ANO3: variants seen among roughly 807,000 people sequenced by gnomAD.
ANO3 encodes the protein anoctamin-3.
In ANO3, 99 loss-of-function variants were observed where a neutral mutation model predicts 144.8. The ratio of observed to expected loss-of-function variants is 0.68; its 90% CI spans 0.58 to 0.81. ANO3 has a LOEUF of 0.81. Ranked by LOEUF, ANO3 falls within the 30% of genes least tolerant of loss-of-function variation. The pLI is 0.00. For missense variants in ANO3, 905 were observed against 1,202.2 expected, an observed-to-expected ratio of 0.75 and a Z score of 3.66; for synonymous variants, 414 against 392.6, an observed-to-expected ratio of 1.05 and a Z score of -0.64.
intron 17 of ANO3, among the ~76,000 whole-genome samples, chr11:26,608,284 C>T (rs532717052): frequency 6.6e-6 from 1 of 152,258 alleles, no homozygotes; most frequent in South Asian, 2.1e-4. Context: ...CACAAGGAGG[C>T]TGGAGAACAG....
At chr11:26,607,601 A>G (rs1322857309) in intron 17 of ANO3, among the ~76,000 whole-genome samples, 3 of 152,084 alleles carry the variant, frequency 2.0e-5, no homozygotes, top group Non-Finnish European at 4.4e-5. Context: ...TAATATTGCC[A>G]GTGGGGTGTT....
At chr11:26,466,481 G>T (rs951321301) in intron 4 of ANO3, among the ~76,000 whole-genome samples, 23 of 151,946 alleles carry the variant, frequency 1.5e-4, no homozygotes, top group African/African-American at 5.1e-4. Flanking sequence ...GTAACATTAT[G>T]CCAGCACTGA....
intron 17 of ANO3, among the ~76,000 whole-genome samples, chr11:26,601,230 T>C (rs991074758): frequency 5.9e-5 from 9 of 152,186 alleles, no homozygotes; most frequent in Non-Finnish European, 1.3e-4. Flanking sequence ...GTATTATAGA[T>C]AGATAATATG....
At chr11:26,249,041 G>T (rs1275128448) in intron 1 of ANO3, among the ~76,000 whole-genome samples, 1 of 152,138 alleles carries the variant, frequency 6.6e-6, no homozygotes, top group African/African-American at 2.4e-5. Flanking sequence ...AAAAAGGTTG[G>T]AGACTGTCGC....
chr11:26,624,395 T>C (rs983765856), intron 17 of ANO3, 67 bp from the exon 18 acceptor site: 2 of 1,094,150 alleles, frequency 1.8e-6, no homozygotes, highest in African/African-American at 3.1e-5. Flanking sequence ...TTTCTTCAAA[T>C]AGTGTAAATA....
intron 1 of ANO3, among the ~76,000 whole-genome samples, chr11:26,296,331 A>G (rs1010045573): frequency 2.6e-5 from 4 of 152,068 alleles, no homozygotes; most frequent in African/African-American, 4.8e-5. Context: ...CAAAACATCT[A>G]CAAGAGATGC....
intron 1 of ANO3, among the ~76,000 whole-genome samples, chr11:26,407,357 C>T (rs1857315677): frequency 6.6e-6 from 1 of 151,590 alleles, no homozygotes; most frequent in African/African-American, 2.4e-5. Context: ...CTCCTGCTAT[C>T]CCCACTTGGA....
chr11:26,266,103 A>G (rs1853301237), intron 1 of ANO3, among the ~76,000 whole-genome samples: 1 of 152,160 alleles, frequency 6.6e-6, no homozygotes, highest in Non-Finnish European at 1.5e-5. Flanking sequence ...TTCTAACTAG[A>G]TATTTACGCC....
chr11:26,463,026 A>T lies in ANO3; in HGVS notation c.314-4A>T. On this transcript the variant is annotated splice_region_variant and splice_polypyrimidine_tract_variant and intron_variant, in intron 3 of 26. Transcript: ENST00000256737. Reference sequence around the variant, plus strand: ...GGATATAACTTTCTCTTTCTCTTTTATAGCCCTAGGAAAAGATAAGGATTA... The same window carrying T: ...GGATATAACTTTCTCTTTCTCTTTTTTAGCCCTAGGAAAAGATAAGGATTA... The T allele has an allele frequency of 6.8e-7, 1 of 1,463,202 alleles. No individual in the cohort carries two copies. Among genetic ancestry groups the T allele is most frequent in the Non-Finnish European group, 9.3e-7 (1 of 1,078,484 alleles). The allele number at this position is 1,463,202 out of a possible 1,614,324, so 90.6% of individuals were successfully genotyped here.
intron 1 of ANO3, among the ~76,000 whole-genome samples, chr11:26,359,271 C>A (rs536274181): frequency 6.6e-6 from 1 of 152,202 alleles, no homozygotes; most frequent in African/African-American, 2.4e-5. Context: ...TGAGGTGGGA[C>A]CAGGATAGTG....
intron 3 of ANO3, among the ~76,000 whole-genome samples, chr11:26,455,112 A>G (rs1304252195): frequency 2.6e-5 from 4 of 152,066 alleles, no homozygotes; most frequent in Non-Finnish European, 4.4e-5. Context: ...CCCACAGCCA[A>G]TATCATACTG....
intron 3 of ANO3, among the ~76,000 whole-genome samples, chr11:26,446,053 A>G (rs955533050): frequency 1.3e-5 from 2 of 152,078 alleles, no homozygotes; most frequent in Admixed American, 1.3e-4. Context: ...GCTGGTCTCA[A>G]ACTCCCAACC....
intron 12 of ANO3, among the ~76,000 whole-genome samples, chr11:26,548,808 A>ATCC (rs1388372337): frequency 6.6e-6 from 1 of 151,862 alleles, no homozygotes; most frequent in East Asian, 1.9e-4. Flanking sequence ...ACTCACTACC[A>ATCC]TCCTGCAAGG....
intron 1 of ANO3, among the ~76,000 whole-genome samples, chr11:26,280,618 G>A (rs1386451219): frequency 1.3e-5 from 2 of 152,148 alleles, no homozygotes; most frequent in Non-Finnish European, 2.9e-5. Context: ...TGGCGGGTGA[G>A]GGCTCTGCCT....
At chr11:26,276,625 C>A (rs1239200644) in intron 1 of ANO3, among the ~76,000 whole-genome samples, 1 of 152,136 alleles carries the variant, frequency 6.6e-6, no homozygotes, top group Admixed American at 6.6e-5. Context: ...AAAACAGCAT[C>A]ACCCACTTTG....
At chr11:26,529,110 TTAATA>T (rs1433388650) in intron 7 of ANO3, among the ~76,000 whole-genome samples, 3 of 2,690 alleles carry the variant, frequency 1.1e-3, no homozygotes, top group Admixed American at 0.018. Context: ...ATATATATTA[TTAATA>T]ATATATATTA....
intron 1 of ANO3, among the ~76,000 whole-genome samples, chr11:26,339,734 A>C (rs1307180756): frequency 6.6e-6 from 1 of 152,216 alleles, no homozygotes; most frequent in African/African-American, 2.4e-5. Context: ...ATCTGGCAGA[A>C]TGACCTCCAT....
intron 17 of ANO3, among the ~76,000 whole-genome samples, chr11:26,624,127 G>A (rs1315142408): frequency 6.6e-6 from 1 of 152,182 alleles, no homozygotes; most frequent in Non-Finnish European, 1.5e-5. Flanking sequence ...CTCAGCCATT[G>A]ATTAGCTGAA....
In ANO3 at chr11:26,303,674, C is replaced by A. The variant is rs1430885784; in HGVS notation, c.155-5971C>A. Among the ~76,000 whole-genome samples the A allele has an allele frequency of 1.3e-5, 2 of 152,304 alleles. 1 individual carries two copies. The highest frequency in any genetic ancestry group is 3.9e-4 in the East Asian group (2 of 5,180). On this transcript the variant is annotated intron_variant, in intron 1 of 27. Coordinates refer to the ANO3 transcript ENST00000672621. ...GCAATATACCCATGTAACAAACCTA[C>A]AAATGTACCACTTGAATCTAAAATA...
Sources: allele counts gnomAD v4.1 joint callset (sites outside exome capture counted in the v4.1 genomes callset), GRCh38; gene constraint gnomAD v4.1.1; transcripts MANE v1.5; gene names NCBI Gene and HGNC (gene_info 2026-07-23, HGNC 2026-07-21).